Variants in HORMAD2 observed in about 807,000 individuals in gnomAD.
The protein encoded by HORMAD2 is HORMA domain-containing protein 2.
Under a neutral mutation model 38.8 loss-of-function variants are expected in HORMAD2, and 45 were observed. The ratio of observed to expected loss-of-function variants is 1.16; its 90% CI spans 0.91 to 1.49. The LOEUF is 1.49. Ranked by LOEUF, HORMAD2 falls within the 40% of genes most tolerant of loss-of-function variation. The pLI, the probability that HORMAD2 is intolerant of heterozygous loss-of-function variation, is 0.00. For missense variants in HORMAD2, 338 were observed against 367.0 expected (o/e 0.92, Z 0.65); for synonymous variants, 126 against 122.8 (o/e 1.03, Z -0.17).
intron 10 of HORMAD2, among the ~76,000 whole-genome samples, chr22:30,155,617 T>C (rs1925022079): frequency 6.6e-6 from 1 of 152,154 alleles, no homozygotes; most frequent in Admixed American, 6.5e-5. Flanking sequence ...ATGTGGTTTC[T>C]CTCAGTGGAC....
At chr22:30,136,003 T>C (rs1466838398) in intron 10 of HORMAD2, among the ~76,000 whole-genome samples, 1 of 152,152 alleles carries the variant, frequency 6.6e-6, no homozygotes, top group Non-Finnish European at 1.5e-5. Flanking sequence ...ATGATAAAAT[T>C]AGTAGATAAG....
chr22:30,091,266 C>CTT (rs67947501), intron 1 of HORMAD2, among the ~76,000 whole-genome samples: 19 of 114,020 alleles, frequency 1.7e-4, no homozygotes, highest in African/African-American at 2.1e-4. Flanking sequence ...CTCTTTCTTT[C>CTT]TTTTTTTTTT....
chr22:30,079,173 CT>C (rs981699605), upstream of HORMAD2, among the ~76,000 whole-genome samples: 49 of 152,160 alleles, frequency 3.2e-4, no homozygotes, highest in African/African-American at 1.2e-3. Flanking sequence ...GTGGCTCACT[CT>C]TTCATCTACT....
chr22:30,180,649 C>T (rs74462753), downstream of HORMAD2, among the ~76,000 whole-genome samples: 728 of 152,202 alleles, frequency 4.8e-3, 8 homozygotes, highest in African/African-American at 0.016. Flanking sequence ...TTTAAGCAAG[C>T]GGATTCAAGT....
At chr22:30,160,564 A>T (rs1300371720) in intron 10 of HORMAD2, among the ~76,000 whole-genome samples, 1 of 152,162 alleles carries the variant, frequency 6.6e-6, no homozygotes, top group Non-Finnish European at 1.5e-5. Context: ...TTTTGCAAGG[A>T]TGTAAAAGAA....
At chr22:30,167,384 G>A (rs1925851743) in intron 10 of HORMAD2, among the ~76,000 whole-genome samples, 1 of 152,142 alleles carries the variant, frequency 6.6e-6, no homozygotes. Flanking sequence ...GAACATCTTT[G>A]GGGGCTCATT....
intron 10 of HORMAD2, among the ~76,000 whole-genome samples, chr22:30,157,544 A>G (rs1925158290): frequency 1.3e-5 from 2 of 152,096 alleles, no homozygotes; most frequent in Admixed American, 1.3e-4. Flanking sequence ...AAAAAGTCAG[A>G]CGAATACTTT....
At chr22:30,111,301 C>A (rs1375585935) in intron 5 of HORMAD2, among the ~76,000 whole-genome samples, 1 of 152,016 alleles carries the variant, frequency 6.6e-6, no homozygotes, top group Non-Finnish European at 1.5e-5. Context: ...GCCTAGCCAA[C>A]ATGGCAAAAC....
intron 5 of HORMAD2, among the ~76,000 whole-genome samples, chr22:30,110,609 C>A (rs189489411): frequency 1.3e-5 from 2 of 152,022 alleles, no homozygotes; most frequent in African/African-American, 4.8e-5. Context: ...TGATCCCAAA[C>A]TCCTGAGCTC....
chr22:30,117,759 T>C (rs958513371), intron 7 of HORMAD2, among the ~76,000 whole-genome samples: 2 of 152,220 alleles, frequency 1.3e-5, no homozygotes, highest in African/African-American at 4.8e-5. Flanking sequence ...TCTGCCAAAA[T>C]GACCTCGGTC....
intron 10 of HORMAD2, among the ~76,000 whole-genome samples, chr22:30,149,002 AT>A (rs1437573740): frequency 1.3e-5 from 2 of 152,170 alleles, no homozygotes; most frequent in African/African-American, 4.8e-5. Context: ...AGACAAAATA[AT>A]TGACCCAGAG....
At chr22:30,150,657 C>A (rs1405508446) in intron 10 of HORMAD2, among the ~76,000 whole-genome samples, 1 of 152,096 alleles carries the variant, frequency 6.6e-6, no homozygotes, top group Non-Finnish European at 1.5e-5. Context: ...CCTGTACAAG[C>A]CTTTGGGAGA....
At chr22:30,127,871 T>C (rs1332636083) in intron 10 of HORMAD2, among the ~76,000 whole-genome samples, 1 of 152,226 alleles carries the variant, frequency 6.6e-6, no homozygotes, top group Non-Finnish European at 1.5e-5. Context: ...AACTGTTATT[T>C]TCTCCTCACT....
intron 5 of HORMAD2, among the ~76,000 whole-genome samples, chr22:30,107,837 G>A (rs966922620): frequency 6.6e-6 from 1 of 151,902 alleles, no homozygotes; most frequent in Non-Finnish European, 1.5e-5. Flanking sequence ...TCCCCTGTAA[G>A]AGCATGATTA....
the HORMAD2 span, among the ~76,000 whole-genome samples, chr22:30,183,219 T>G: frequency 6.6e-6 from 1 of 152,206 alleles, no homozygotes; most frequent in Non-Finnish European, 1.5e-5. Flanking sequence ...TGTAAGGCGA[T>G]TAGAGCCTGG....
chr22:30,095,041 G>A (rs1189151879), intron 2 of HORMAD2, among the ~76,000 whole-genome samples: 3 of 151,980 alleles, frequency 2.0e-5, no homozygotes, highest in Non-Finnish European at 4.4e-5. Context: ...GCTTTCCTGG[G>A]CCTGTTTTTC....
intron 2 of HORMAD2, among the ~76,000 whole-genome samples, chr22:30,098,405 G>A (rs1440202166): frequency 6.6e-6 from 1 of 152,210 alleles, no homozygotes; most frequent in African/African-American, 2.4e-5. Flanking sequence ...GAGGAAAAGA[G>A]AGTATGTGGG....
chr22:30,125,424 C>A (rs990794352), intron 10 of HORMAD2, among the ~76,000 whole-genome samples: 2 of 151,512 alleles, frequency 1.3e-5, no homozygotes, highest in Non-Finnish European at 2.9e-5. Flanking sequence ...GACAGGGTTT[C>A]TCCATGTTGG....
chr22:30,156,508 A>G (rs1464424543), intron 10 of HORMAD2, among the ~76,000 whole-genome samples: 1 of 152,230 alleles, frequency 6.6e-6, no homozygotes, highest in African/African-American at 2.4e-5. Flanking sequence ...CTTTGGTATT[A>G]TGGACACAGT....
Sources: allele counts gnomAD v4.1 joint callset (sites outside exome capture counted in the v4.1 genomes callset), GRCh38; gene constraint gnomAD v4.1.1; transcripts MANE v1.5; gene names NCBI Gene and HGNC (gene_info 2026-07-23, HGNC 2026-07-21).